The following STAC variants were observed in gnomAD, a reference collection of about 807,000 sequenced individuals.
The protein encoded by STAC is SH3 and cysteine rich domain.
Under a neutral mutation model 48.8 loss-of-function variants are expected in STAC, and 43 were observed. The ratio of observed to expected loss-of-function variants is 0.88; its 90% CI spans 0.69 to 1.14. STAC has a LOEUF of 1.14. Ranked by LOEUF, STAC falls within the 50% of genes most tolerant of loss-of-function variation. The pLI, the probability that STAC is intolerant of heterozygous loss-of-function variation, is 0.00. For missense variants in STAC, 497 were observed against 504.0 expected (o/e 0.99, Z 0.13); for synonymous variants, 193 against 179.5 (o/e 1.07, Z -0.60).
chr3:36,454,489 G>C (rs1179166356), intron 2 of STAC, among the ~76,000 whole-genome samples: 1 of 152,066 alleles, frequency 6.6e-6, no homozygotes, highest in Non-Finnish European at 1.5e-5. Flanking sequence ...AACACTCACC[G>C]CGAGGGTCCG....
At chr3:36,439,120 A>T (rs972448933) in intron 1 of STAC, among the ~76,000 whole-genome samples, 25 of 152,076 alleles carry the variant, frequency 1.6e-4, no homozygotes, top group African/African-American at 6.0e-4. Context: ...GAGCATGGGG[A>T]CGGGGATTGG....
chr3:36,501,275 C>T (rs937028449), intron 6 of STAC, among the ~76,000 whole-genome samples: 4 of 151,908 alleles, frequency 2.6e-5, no homozygotes, highest in Admixed American at 2.6e-4. Context: ...AAAGTAATAT[C>T]TAAACACTAT....
chr3:36,489,507 G>A (rs1697909768), intron 5 of STAC, among the ~76,000 whole-genome samples: 1 of 152,136 alleles, frequency 6.6e-6, no homozygotes, highest in Non-Finnish European at 1.5e-5. Flanking sequence ...CTCTTCCCTG[G>A]TGCCCCGGAG....
chr3:36,515,856 G>A (rs1372211957), intron 8 of STAC, among the ~76,000 whole-genome samples: 2 of 151,972 alleles, frequency 1.3e-5, no homozygotes, highest in African/African-American at 4.8e-5. Context: ...AGCAATTTGA[G>A]GGAGCCCACC....
chr3:36,486,743 G>C (rs923999568), intron 5 of STAC, among the ~76,000 whole-genome samples: 1 of 152,198 alleles, frequency 6.6e-6, no homozygotes, highest in African/African-American at 2.4e-5. Context: ...CTTGAACTGT[G>C]ACTCTGTGGG....
At position 36,383,214 on chromosome 3, in the gene STAC, T is replaced by C. The variant is rs141467298; in HGVS notation, c.111+2460T>C. On this transcript the variant is annotated intron_variant, in intron 1 of 10. Transcript: ENST00000273183. ...TTGAGCGAGAACAATAGTGAGCATC[T>C]ACTGAATGTTTACTGTAAGTCAGAT... is the stretch of plus-strand genomic sequence containing the variant. Among the ~76,000 whole-genome samples, 277 of 152,334 alleles carry C rather than the reference T, an allele frequency of 1.8e-3. 2 individuals are homozygous for C. The highest frequency in any genetic ancestry group is 6.3e-3 in the African/African-American group (260 of 41,586).
At chr3:36,453,430 GC>G (rs1191402320) in intron 2 of STAC, among the ~76,000 whole-genome samples, 1 of 152,186 alleles carries the variant, frequency 6.6e-6, no homozygotes. Flanking sequence ...GGCAGACCCC[GC>G]CCTCGGAGAG....
chr3:36,443,759 G>C lies in STAC; in HGVS notation c.388+119G>C. On this transcript the variant is annotated intron_variant, in intron 2 of 10. Transcript: ENST00000273183. The surrounding 1 kb of genome is among the most constrained non-coding windows in gnomAD (Gnocchi z 4.2). ...CTAGGCCTCAGAGATTTACATGTGG[G>C]AAGATCATTCAGGAGTGCTTTGGGG... The C allele has an allele frequency of 1.5e-6, 2 of 1,335,010 alleles. No individual in the cohort carries two copies. The highest frequency in any genetic ancestry group is 2.1e-6 in the Non-Finnish European group (2 of 973,068). 82.7% of individuals were successfully genotyped at this position (1,335,010 alleles called of 1,614,324 possible).
intron 1 of STAC, among the ~76,000 whole-genome samples, chr3:36,442,899 A>G (rs553699214): frequency 3.9e-5 from 6 of 152,226 alleles, no homozygotes; most frequent in Admixed American, 3.3e-4. Flanking sequence ...TGAGCCAGAC[A>G]ATAGACTCTT....
chr3:36,415,696 T>C (rs78631838), intron 1 of STAC, among the ~76,000 whole-genome samples: 3,532 of 152,274 alleles, frequency 0.023, 61 homozygotes, highest in East Asian at 0.026. Flanking sequence ...ATCACCCATC[T>C]TCTGCGTCGC....
chr3:36,435,288 T>C (rs1458233857), intron 1 of STAC, among the ~76,000 whole-genome samples: 1 of 152,110 alleles, frequency 6.6e-6, no homozygotes, highest in Non-Finnish European at 1.5e-5. Flanking sequence ...CTTTTTCTCT[T>C]TATTCACTGA....
At chr3:36,531,457 C>A (rs1699063019) in intron 10 of STAC, among the ~76,000 whole-genome samples, 1 of 152,174 alleles carries the variant, frequency 6.6e-6, no homozygotes, top group African/African-American at 2.4e-5. Context: ...GAACCCAGAT[C>A]CCAGTCACTG....
intron 1 of STAC, among the ~76,000 whole-genome samples, chr3:36,430,149 T>C (rs1277334189): frequency 6.6e-6 from 1 of 152,200 alleles, no homozygotes; most frequent in East Asian, 1.9e-4. Flanking sequence ...AATCCATTCA[T>C]TCAATTACTC....
chr3:36,475,909 G>A (rs1052177530), intron 2 of STAC, among the ~76,000 whole-genome samples: 5 of 152,194 alleles, frequency 3.3e-5, no homozygotes, highest in African/African-American at 1.2e-4. Context: ...CTGCACTTCA[G>A]GGTACCTGGG....
chr3:36,506,716 T>A (rs905954720), intron 8 of STAC, among the ~76,000 whole-genome samples: 1 of 152,190 alleles, frequency 6.6e-6, no homozygotes, highest in Non-Finnish European at 1.5e-5. Flanking sequence ...TATTCATGAT[T>A]TGGCTCTCTG....
At chr3:36,381,569 TATTCTG>T (rs1428989472) in intron 1 of STAC, among the ~76,000 whole-genome samples, 1 of 148,184 alleles carries the variant, frequency 6.7e-6, no homozygotes, top group Non-Finnish European at 1.5e-5. Context: ...CCTGGCTCTT[TATTCTG>T]ATTTCATTGT....
At chr3:36,456,732 C>T (rs774887962) in intron 2 of STAC, among the ~76,000 whole-genome samples, 1 of 152,204 alleles carries the variant, frequency 6.6e-6, no homozygotes, top group Non-Finnish European at 1.5e-5. Flanking sequence ...CAGATGGCAC[C>T]TCATCCTCAG....
chr3:36,529,888 G>A (rs1157757995), intron 10 of STAC, among the ~76,000 whole-genome samples: 5 of 152,090 alleles, frequency 3.3e-5, no homozygotes, highest in South Asian at 2.1e-4. Flanking sequence ...TTGGGAGGCC[G>A]AGGAGGGCAG....
chr3:36,395,094 A>C (rs931437250), intron 1 of STAC, among the ~76,000 whole-genome samples: 8 of 152,036 alleles, frequency 5.3e-5, no homozygotes, highest in African/African-American at 1.2e-4. Context: ...AGTTGGTAGC[A>C]GTCACAGTAA....
Sources: gnomAD v4.1 joint callset for allele counts (sites outside exome capture counted in the v4.1 genomes callset) on GRCh38, gnomAD v4.1.1 for gene constraint, Gnocchi (gnomAD v3.1) non-coding constraint, MANE v1.5 for transcripts, NCBI Gene and HGNC (gene_info 2026-07-23, HGNC 2026-07-21) for gene names.